Variants in ADAMTS18 observed in about 807,000 individuals in gnomAD.
ADAMTS18 encodes A disintegrin and metalloproteinase with thrombospondin motifs 18.
Under a neutral mutation model 165.9 loss-of-function variants are expected in ADAMTS18, and 157 were observed. The ratio of observed to expected loss-of-function variants is 0.95; its 90% CI spans 0.83 to 1.08. The LOEUF (loss-of-function observed/expected upper bound fraction) is 1.08. Among genes scored for constraint, ADAMTS18 ranks in the 50% least tolerant of loss-of-function variants. ADAMTS18 has a pLI of 0.00. For missense variants in ADAMTS18, 2,040 were observed against 1,534.0 expected (o/e 1.33, Z -5.51); for synonymous variants, 782 against 578.2 (o/e 1.35, Z -5.06).
intron 3 of ADAMTS18, among the ~76,000 whole-genome samples, chr16:77,386,785 T>G (rs2057113869): frequency 6.6e-6 from 1 of 152,194 alleles, no homozygotes; most frequent in Non-Finnish European, 1.5e-5. Flanking sequence ...CCAAAGATAG[T>G]TTTTCCTCAG....
chr16:77,431,139 C>T (rs1366545), intron 3 of ADAMTS18, among the ~76,000 whole-genome samples, 156 bp downstream of exon 3: 3 of 152,050 alleles, frequency 2.0e-5, no homozygotes, highest in African/African-American at 7.2e-5. Flanking sequence ...TCTGGGAGCA[C>T]ATTAGATTAA....
chr16:77,293,391 G>C (rs371454375), intron 19 of ADAMTS18, 133 bp from the exon 20 acceptor site: 41 of 776,936 alleles, frequency 5.3e-5, no homozygotes, highest in East Asian at 5.2e-4. Flanking sequence ...CTTTTTACGA[G>C]ATCTACTTAA....
intron 3 of ADAMTS18, among the ~76,000 whole-genome samples, chr16:77,392,510 G>A (rs2057201799): frequency 6.6e-6 from 1 of 152,092 alleles, no homozygotes; most frequent in African/African-American, 2.4e-5. Flanking sequence ...CACCCTGTAT[G>A]AAATCTCCAC....
intron 12 of ADAMTS18, among the ~76,000 whole-genome samples, chr16:77,326,718 T>A (rs1409624967): frequency 1.3e-5 from 2 of 152,260 alleles, no homozygotes; most frequent in Admixed American, 6.5e-5. Flanking sequence ...ATTTTTTAAA[T>A]TTTTTAAAAC....
intron 9 of ADAMTS18, among the ~76,000 whole-genome samples, chr16:77,355,247 GTTAA>G (rs983444043): frequency 8.8e-5 from 10 of 113,892 alleles, no homozygotes; most frequent in African/African-American, 2.7e-4. Context: ...TCAACTTTGG[GTTAA>G]TTGTTTAATA....
At chr16:77,424,375 G>C (rs2057644385) in intron 3 of ADAMTS18, among the ~76,000 whole-genome samples, 1 of 152,056 alleles carries the variant, frequency 6.6e-6, no homozygotes, top group South Asian at 2.1e-4. Context: ...AGCTGAGGCA[G>C]GAGAATTGCT....
rs2055958699 is a variant in ADAMTS18, at chr16:77,319,891, A to G, written c.2490T>C (p.Arg830=). The G allele has an allele frequency of 1.2e-6, 2 of 1,614,186 alleles. No individual in the cohort carries two copies. The highest frequency in any genetic ancestry group is 1.7e-6 in the Non-Finnish European group (2 of 1,180,022). The change falls in exon 16 of 23, where the codon CGT becomes CGC. Residue 830 remains arginine, a synonymous_variant. Coordinates refer to ENST00000282849, the MANE Select transcript of ADAMTS18 (RefSeq NM_199355.4). ...EYQRSFNRPE[R]LYAPGPTNET... is the part of the protein sequence containing the mutation. ...CATTTGTGGGCCCTGGCGCGTACAG[A>G]CGTTCCGGGCGGTTGAAAGAGCGCT...
Position 77,319,834 on chromosome 16 carries a change from A to G in ADAMTS18, c.2532+15T>C. On this transcript the variant is annotated intron_variant, in intron 16 of 22. Coordinates refer to ENST00000282849, the MANE Select transcript of ADAMTS18 (RefSeq NM_199355.4). ...GCAAGAAGCACTGAGAACTGAATAC[A>G]CAGAAGGGGCTTACTTCAAAGACCA... 1 of 1,614,012 alleles carries G rather than the reference A, an allele frequency of 6.2e-7. No homozygotes were observed. Among genetic ancestry groups the G allele is most frequent in the Non-Finnish European group, 8.5e-7 (1 of 1,179,978 alleles).
At chr16:77,394,337 C>G (rs192025453) in intron 3 of ADAMTS18, among the ~76,000 whole-genome samples, 1 of 152,272 alleles carries the variant, frequency 6.6e-6, no homozygotes, top group Non-Finnish European at 1.5e-5. Flanking sequence ...AGCTAGGTGA[C>G]ATTTTTCAGT....
intron 12 of ADAMTS18, among the ~76,000 whole-genome samples, chr16:77,335,438 T>C (rs1227144169): frequency 6.6e-6 from 1 of 151,950 alleles, no homozygotes; most frequent in African/African-American, 2.4e-5. Context: ...ATAGGGTGAC[T>C]ATAGTTAACA....
intron 11 of ADAMTS18, among the ~76,000 whole-genome samples, chr16:77,337,778 A>G (rs1031349577): frequency 1.5e-4 from 23 of 152,202 alleles, no homozygotes; most frequent in African/African-American, 5.3e-4. Context: ...TAATCAGTGT[A>G]GAAATCAGGA....
intron 3 of ADAMTS18, among the ~76,000 whole-genome samples, chr16:77,386,538 C>T (rs1455408426): frequency 6.6e-6 from 1 of 152,086 alleles, no homozygotes; most frequent in East Asian, 1.9e-4. Flanking sequence ...AGTGGCCGCC[C>T]CATAAAGATG....
chr16:77,343,876 A>G (rs917006485), intron 10 of ADAMTS18, among the ~76,000 whole-genome samples: 3 of 152,186 alleles, frequency 2.0e-5, no homozygotes, highest in Non-Finnish European at 4.4e-5. Context: ...AAAAATGTGA[A>G]GATGGACATT....
At chr16:77,414,736 T>C (rs563426418) in intron 3 of ADAMTS18, among the ~76,000 whole-genome samples, 4 of 152,298 alleles carry the variant, frequency 2.6e-5, no homozygotes, top group African/African-American at 9.6e-5. Context: ...TTCATTCAAA[T>C]AAACATCTTC....
rs199934429 is a variant in ADAMTS18 at position 77,353,842 on chromosome 16, C to T, written c.1505G>A (p.Gly502Glu). 1.9e-6 allele frequency: 3 copies of T among 1,614,090 alleles called. No homozygotes were observed. The East Asian group carries it at 6.7e-5, about 36-fold the overall frequency. ...TAGTTTGTCCGGATATTTATACTGT[C>T]CTGCTTGCTTGGGCTCATCCACTAG... Reference protein sequence around the residue: ...GCLVDEPKQAGQYKYPDKLPG... With the variant: ...GCLVDEPKQAEQYKYPDKLPG... The change falls in exon 10 of 23, where the codon GGA becomes GAA. Residue 502 changes from glycine to glutamate, a missense_variant. Coordinates refer to ENST00000282849, the MANE Select transcript of ADAMTS18 (RefSeq NM_199355.4).
At chr16:77,351,031 C>T (rs767930014) in intron 10 of ADAMTS18, among the ~76,000 whole-genome samples, 5 of 152,200 alleles carry the variant, frequency 3.3e-5, no homozygotes, top group East Asian at 1.9e-4. Context: ...GTTGCCAGAG[C>T]GGGTCTAAAC....
At chr16:77,375,032 G>C (rs2144758767) in intron 3 of ADAMTS18, among the ~76,000 whole-genome samples, 1 of 152,192 alleles carries the variant, frequency 6.6e-6, no homozygotes, top group South Asian at 2.1e-4. Flanking sequence ...TATTTGTGGA[G>C]TGTTTAAAGC....
intron 13 of ADAMTS18, among the ~76,000 whole-genome samples, chr16:77,325,609 A>G (rs1333563355): frequency 1.3e-5 from 2 of 151,050 alleles, no homozygotes; most frequent in South Asian, 2.2e-4. Flanking sequence ...GTTGAGAAAC[A>G]TGAGTTCATT....
chr16:77,399,395 T>C (rs1217413621), intron 3 of ADAMTS18, among the ~76,000 whole-genome samples: 2 of 152,194 alleles, frequency 1.3e-5, no homozygotes, highest in Admixed American at 1.3e-4. Context: ...ACACTTCTTT[T>C]TCACTTAAAT....
Sources: gnomAD v4.1 joint callset for allele counts (sites outside exome capture counted in the v4.1 genomes callset) on GRCh38, gnomAD v4.1.1 for gene constraint, MANE v1.5 for transcripts, NCBI Gene and HGNC (gene_info 2026-07-23, HGNC 2026-07-21) for gene names.